Variants in TTLL11 observed in about 807,000 individuals in gnomAD.
TTLL11 encodes tubulin tyrosine ligase like 11, also known as tubulin polyglutamylase TTLL11.
A neutral mutation model predicts 51.7 loss-of-function variants in TTLL11; 42 were observed. The ratio of observed to expected loss-of-function variants is 0.81; its 90% CI spans 0.64 to 1.05. The LOEUF (loss-of-function observed/expected upper bound fraction) is 1.05, where lower values mean the gene tolerates loss of function less well. Ranked by LOEUF, TTLL11 falls within the 50% of genes least tolerant of loss-of-function variation. TTLL11 has a pLI of 0.00. For missense variants in TTLL11, 799 were observed against 940.4 expected (o/e 0.85, Z 1.97); for synonymous variants, 381 against 383.5 (o/e 0.99, Z 0.08).
At chr9:121,987,520 T>C (rs1842968834) in intron 4 of TTLL11, among the ~76,000 whole-genome samples, 1 of 152,116 alleles carries the variant, frequency 6.6e-6, no homozygotes, top group South Asian at 2.1e-4. Context: ...TCCCACACTC[T>C]GGCTGAGTCC....
intron 6 of TTLL11, among the ~76,000 whole-genome samples, chr9:121,924,294 T>C (rs977361239): frequency 6.6e-6 from 1 of 152,206 alleles, no homozygotes; most frequent in African/African-American, 2.4e-5. Context: ...AGTGACGCCG[T>C]TGAATGTGAG....
chr9:121,988,426 T>A (rs1205325339), intron 4 of TTLL11, among the ~76,000 whole-genome samples: 1 of 148,538 alleles, frequency 6.7e-6, no homozygotes, highest in Non-Finnish European at 1.5e-5. Flanking sequence ...CCTTCCCTCA[T>A]CTCCCCCGCA....
intron 6 of TTLL11, among the ~76,000 whole-genome samples, chr9:121,904,394 G>C (rs10985442): frequency 0.64 from 97,688 of 151,952 alleles, 32,882 homozygotes; most frequent in Admixed American, 0.78. Flanking sequence ...CCAGTATGGT[G>C]TCAATCTCTT....
intron 8 of TTLL11, among the ~76,000 whole-genome samples, chr9:121,826,217 T>TATATACACACACAC (rs1491163835): frequency 6.9e-5 from 4 of 58,102 alleles, no homozygotes; most frequent in African/African-American, 3.0e-4. Flanking sequence ...TATATATATA[T>TATATACACACACAC]GCACACATAT....
At chr9:122,034,381 A>G (rs529667492) in intron 2 of TTLL11, among the ~76,000 whole-genome samples, 1 of 152,318 alleles carries the variant, frequency 6.6e-6, no homozygotes, top group South Asian at 2.1e-4. Flanking sequence ...AGGTGTTTCC[A>G]AGTTTACCTT....
intron 8 of TTLL11, among the ~76,000 whole-genome samples, chr9:121,836,690 G>T (rs1326599480): frequency 1.3e-5 from 2 of 152,226 alleles, no homozygotes; most frequent in Non-Finnish European, 1.5e-5. Context: ...CTCCTCTGAT[G>T]CAGGGCAGGG....
At chr9:121,899,359 GTGTGTGTA>G (rs1415552314) in intron 6 of TTLL11, among the ~76,000 whole-genome samples, 11 of 93,222 alleles carry the variant, frequency 1.2e-4, no homozygotes, top group African/African-American at 3.9e-4. Context: ...GTGTGTATGT[GTGTGTGTA>G]TATATATATA....
chr9:121,966,721 A>G (rs1333915574), intron 6 of TTLL11, among the ~76,000 whole-genome samples: 1 of 152,164 alleles, frequency 6.6e-6, no homozygotes, highest in Admixed American at 6.5e-5. Context: ...CCAGGCAAAC[A>G]TTGGTGTAGG....
Position 121,841,660 on chromosome 9 carries a change from G to C in TTLL11, c.1840+18677C>G, listed in dbSNP as rs188826810. On this transcript the variant is annotated intron_variant, in intron 8 of 8. Coordinates refer to ENST00000321582, the MANE Select transcript of TTLL11 (RefSeq NM_001139442.2). ...CGTGGCAGCTGCATGGTGTGGCTGT[G>C]GTGGGGCACGAAGAACTGTTACAGC... Among the ~76,000 whole-genome samples the C allele has an allele frequency of 1.2e-3, 176 of 152,070 alleles. 2 individuals carry two copies. Among genetic ancestry groups the C allele is most frequent in the Non-Finnish European group, 1.9e-3 (132 of 68,010 alleles).
chr9:121,866,428 G>A (rs1838175877), intron 7 of TTLL11, among the ~76,000 whole-genome samples: 1 of 152,168 alleles, frequency 6.6e-6, no homozygotes. Context: ...GGGAGGCTGA[G>A]GCGGGTGGAT....
chr9:122,020,228 A>G (rs940267816), intron 3 of TTLL11, among the ~76,000 whole-genome samples: 1 of 152,204 alleles, frequency 6.6e-6, no homozygotes. Context: ...TTTAGGTAGA[A>G]TGCTCTTCTG....
intron 3 of TTLL11, among the ~76,000 whole-genome samples, chr9:122,017,425 C>T (rs1844019460): frequency 6.7e-6 from 1 of 150,232 alleles, no homozygotes; most frequent in African/African-American, 2.4e-5. Flanking sequence ...ATTTGTTGAA[C>T]CAAAAAATAT....
intron 8 of TTLL11, among the ~76,000 whole-genome samples, chr9:121,847,026 A>C (rs1588066396): frequency 6.6e-6 from 1 of 152,098 alleles, no homozygotes; most frequent in Admixed American, 6.5e-5. Context: ...CTGGCTAACA[A>C]GGTGAAACCC....
chr9:122,031,751 G>A lies in TTLL11; in HGVS notation c.665C>T (p.Pro222Leu). The A allele has an allele frequency of 6.2e-7, 1 of 1,613,054 alleles. No homozygotes were observed. Among genetic ancestry groups the A allele is most frequent in the Non-Finnish European group, 8.5e-7 (1 of 1,180,002 alleles). The change falls in exon 3 of 9, where the codon CCT (proline) becomes CTT (leucine). Residue 222 changes from proline (P) to leucine (L), a missense_variant. Physicochemically the swap from Pro to Leu is moderately conservative, Grantham distance 98. Around this residue, in one of 3 missense-constraint regions of TTLL11, gnomAD observed 468 missense variants for 612.8 expected, o/e 0.76. Transcript: ENST00000321582. ...YNFYPRSWIL[P>L]DEFQLFVAQV... is the part of the protein sequence containing the mutation. ...AGCAACAAAGAGCTGGAACTCGTCAGGCAGAATCCATGAGCGAGGGTAGAA... is the reference window on the plus strand; with the variant it reads ...AGCAACAAAGAGCTGGAACTCGTCAAGCAGAATCCATGAGCGAGGGTAGAA...
At chr9:122,004,558 G>A (rs1037504121) in intron 3 of TTLL11, among the ~76,000 whole-genome samples, 10 of 152,040 alleles carry the variant, frequency 6.6e-5, no homozygotes, top group African/African-American at 2.4e-4. Flanking sequence ...TCACCATGTT[G>A]GTCAGGCTGG....
At chr9:121,982,830 C>T (rs969589913) in intron 4 of TTLL11, among the ~76,000 whole-genome samples, 2 of 151,736 alleles carry the variant, frequency 1.3e-5, no homozygotes, top group South Asian at 2.1e-4. Flanking sequence ...AAAGAGTGAG[C>T]GAAACGGAGA....
At chr9:121,899,382 T>TATATATATATATATATATATATAC (rs1839675507) in intron 6 of TTLL11, among the ~76,000 whole-genome samples, 1 of 113,346 alleles carries the variant, frequency 8.8e-6, no homozygotes, top group Non-Finnish European at 1.9e-5. Flanking sequence ...TATATACATA[T>TATATATATATATATATATATATAC]ATATATATAT....
intron 6 of TTLL11, among the ~76,000 whole-genome samples, chr9:121,959,506 C>T (rs1314686112): frequency 6.6e-6 from 1 of 152,176 alleles, no homozygotes; most frequent in African/African-American, 2.4e-5. Context: ...GAACCTGGGC[C>T]CCTTTCTTGG....
intron 3 of TTLL11, among the ~76,000 whole-genome samples, chr9:122,021,859 C>CA (rs1322525413): frequency 6.6e-6 from 1 of 152,060 alleles, no homozygotes; most frequent in Non-Finnish European, 1.5e-5. Flanking sequence ...TCAAAACCAA[C>CA]TCAGAATGGA....
Sources: allele counts gnomAD v4.1 joint callset (sites outside exome capture counted in the v4.1 genomes callset), GRCh38; gene constraint gnomAD v4.1.1; regional missense constraint gnomAD v4.1.1; transcripts MANE v1.5; gene names NCBI Gene and HGNC (gene_info 2026-07-23, HGNC 2026-07-21).